The following FAM167A variants were observed in gnomAD, a reference collection of about 807,000 sequenced individuals.
FAM167A encodes family with sequence similarity 167 member A.
In FAM167A, 23 loss-of-function variants were observed where a neutral mutation model predicts 14.9. The ratio of observed to expected loss-of-function variants is 1.55; its 90% CI spans 1.11 to 2.19. The LOEUF is 2.19. Among genes scored for constraint, FAM167A ranks in the 30% most tolerant of loss-of-function variants. The pLI, the probability that FAM167A is intolerant of heterozygous loss-of-function variation, is 0.00. For missense variants in FAM167A, 401 were observed against 281.5 expected, an observed-to-expected ratio of 1.42 and a Z score of -3.04; for synonymous variants, 174 against 117.7, an observed-to-expected ratio of 1.48 and a Z score of -3.10.
chr8:11,451,209 C>T (rs1223299401), intron 1 of FAM167A, among the ~76,000 whole-genome samples: 1 of 152,236 alleles, frequency 6.6e-6, no homozygotes, highest in Non-Finnish European at 1.5e-5. Flanking sequence ...CTGGGGCCAC[C>T]ATGCTCAGCA....
intron 2 of FAM167A, chr8:11,438,424 A>G (rs1003958986): frequency 2.2e-6 from 1 of 452,710 alleles, no homozygotes. Context: ...CCTTACTTTT[A>G]TTTTATTCTA....
chr8:11,449,551 G>A (rs545971403), intron 1 of FAM167A, among the ~76,000 whole-genome samples: 8 of 152,308 alleles, frequency 5.3e-5, no homozygotes, highest in African/African-American at 1.9e-4. Context: ...TGGAGGGGCC[G>A]GAGAAGGAAG....
intron 1 of FAM167A, among the ~76,000 whole-genome samples, chr8:11,463,575 T>G (rs1272531465): frequency 6.6e-6 from 1 of 152,228 alleles, no homozygotes; most frequent in Non-Finnish European, 1.5e-5. Flanking sequence ...GCCTAGGCTC[T>G]TTCCATACCT....
intron 2 of FAM167A, among the ~76,000 whole-genome samples, chr8:11,442,893 C>T (rs910304040): frequency 6.6e-6 from 1 of 152,206 alleles, no homozygotes; most frequent in African/African-American, 2.4e-5. Context: ...TCAGTCAGAT[C>T]CCTGCGTCCC....
intron 1 of FAM167A, chr8:11,445,601 T>C: frequency 3.0e-6 from 3 of 985,516 alleles, no homozygotes; most frequent in Non-Finnish European, 3.6e-6. Context: ...CTATGGGATC[T>C]GATGTGGCCT....
intron 2 of FAM167A, among the ~76,000 whole-genome samples, chr8:11,436,241 C>A (rs1285310172): frequency 6.6e-6 from 1 of 152,204 alleles, no homozygotes; most frequent in Non-Finnish European, 1.5e-5. Context: ...GGGACCCTCC[C>A]ACTCAGGGGT....
intron 2 of FAM167A, among the ~76,000 whole-genome samples, chr8:11,429,404 C>T (rs1170137263): frequency 1.3e-5 from 2 of 152,214 alleles, no homozygotes; most frequent in African/African-American, 2.4e-5. Context: ...TTCAGGAGAG[C>T]AGGTCTGAGC....
At chr8:11,466,581 A>T (rs1222419481) in intron 1 of FAM167A, 45 bp downstream of exon 1, 1 of 152,148 alleles carries the variant, frequency 6.6e-6, no homozygotes, top group Non-Finnish European at 1.5e-5. Context: ...CCGCGGCCAC[A>T]CCTCCCAGTC....
intron 2 of FAM167A, among the ~76,000 whole-genome samples, chr8:11,441,578 T>A (rs541845927): frequency 1.3e-5 from 2 of 152,294 alleles, no homozygotes; most frequent in South Asian, 4.2e-4. Flanking sequence ...TGGAACCCTC[T>A]GCGTTGGGCC....
At chr8:11,430,953 C>G (rs1805538851) in intron 2 of FAM167A, among the ~76,000 whole-genome samples, 1 of 152,134 alleles carries the variant, frequency 6.6e-6, no homozygotes, top group African/African-American at 2.4e-5. Flanking sequence ...ACCCTCGGAG[C>G]TGGGTGGAAT....
At chr8:11,431,133 G>T (rs573176329) in intron 2 of FAM167A, among the ~76,000 whole-genome samples, 79 of 152,322 alleles carry the variant, frequency 5.2e-4, no homozygotes, top group African/African-American at 1.9e-3. Flanking sequence ...CCAATAGGCG[G>T]AACCAACCCA....
chr8:11,455,091 C>G, intron 1 of FAM167A, among the ~76,000 whole-genome samples: 1 of 152,164 alleles, frequency 6.6e-6, no homozygotes, highest in East Asian at 1.9e-4. Flanking sequence ...TGACCCCGGC[C>G]CCAGTGCTGC....
At chr8:11,474,993 A>G (rs1207311805) in intron 1 of FAM167A, among the ~76,000 whole-genome samples, 1 of 152,134 alleles carries the variant, frequency 6.6e-6, no homozygotes, top group African/African-American at 2.4e-5. Context: ...CCAGCAGCCA[A>G]GTGTCCTGGA....
At chr8:11,467,972 TC>T (rs1165118818), upstream of FAM167A, among the ~76,000 whole-genome samples, 4 of 152,214 alleles carry the variant, frequency 2.6e-5, no homozygotes, top group African/African-American at 9.6e-5. Context: ...ATCTTCTGAT[TC>T]CAGCTCCTAA....
chr8:11,457,382 T>C (rs1049110227), intron 1 of FAM167A, among the ~76,000 whole-genome samples: 1 of 151,940 alleles, frequency 6.6e-6, no homozygotes. Flanking sequence ...CAATGTCATA[T>C]GCTGGCTGCT....
At chr8:11,433,143 G>C (rs976563803) in intron 2 of FAM167A, among the ~76,000 whole-genome samples, 1 of 152,000 alleles carries the variant, frequency 6.6e-6, no homozygotes, top group Non-Finnish European at 1.5e-5. Context: ...ACCATGGCAT[G>C]TGTATACCTA....
At chr8:11,456,172 CTGTGTGTG>C (rs557569423) in intron 1 of FAM167A, among the ~76,000 whole-genome samples, 1 of 3,432 alleles carries the variant, frequency 2.9e-4, no homozygotes, top group Non-Finnish European at 5.1e-4. Flanking sequence ...GGTTGCCTTG[CTGTGTGTG>C]TGTGTGAATG....
intron 2 of FAM167A, among the ~76,000 whole-genome samples, chr8:11,440,175 G>A (rs1323411815): frequency 1.3e-5 from 2 of 152,182 alleles, no homozygotes; most frequent in Admixed American, 6.5e-5. Context: ...CAGCGAGACT[G>A]GGCCTCGCCT....
chr8:11,437,341 C>G (rs918343363), intron 2 of FAM167A, among the ~76,000 whole-genome samples: 1 of 152,172 alleles, frequency 6.6e-6, no homozygotes, highest in African/African-American at 2.4e-5. Flanking sequence ...TATAAACATG[C>G]GTAATACAGT....
Sources: gnomAD v4.1 joint callset for allele counts (sites outside exome capture counted in the v4.1 genomes callset) on GRCh38, gnomAD v4.1.1 for gene constraint, MANE v1.5 for transcripts, NCBI Gene and HGNC (gene_info 2026-07-23, HGNC 2026-07-21) for gene names.